Variants in PCDH19 observed in about 807,000 individuals in gnomAD.
The protein encoded by PCDH19 is protocadherin-19.
PCDH19 carries 6 observed loss-of-function variants against 46.2 expected under a neutral mutation model. The ratio of observed to expected loss-of-function variants is 0.13; its 90% CI spans 0.07 to 0.26. The LOEUF (loss-of-function observed/expected upper bound fraction) is 0.26, where lower values mean the gene tolerates loss of function less well. PCDH19 is among the 10% of genes least tolerant of loss of function. The pLI is 1.00. For missense variants in PCDH19, 740 were observed against 972.3 expected, an observed-to-expected ratio of 0.76 and a Z score of 3.18; for synonymous variants, 481 against 415.7, an observed-to-expected ratio of 1.16 and a Z score of -1.91.
At chrX:100,406,150 T>G (rs1928338604) in intron 1 of PCDH19, among the ~76,000 whole-genome samples, 1 of 111,810 alleles carries the variant, frequency 8.9e-6, no homozygotes, top group Non-Finnish European at 1.9e-5. Context: ...TCTCTCTCTG[T>G]TTTTCCTACC....
At chrX:100,400,967 T>G (rs1928162292) in intron 3 of PCDH19, among the ~76,000 whole-genome samples, 2 of 111,560 alleles carry the variant, frequency 1.8e-5, no homozygotes, top group African/African-American at 6.5e-5. Flanking sequence ...GTCCTCCCTC[T>G]CTTGATGACC....
At chrX:100,362,562 G>A (rs143612979) in intron 3 of PCDH19, among the ~76,000 whole-genome samples, 1,515 of 109,685 alleles carry the variant, frequency 0.014, 17 homozygotes, top group Non-Finnish European at 0.022. Context: ...GGGAGGCCGA[G>A]GTGAGCAGAT....
At chrX:100,368,432 C>G (rs900345722) in intron 3 of PCDH19, among the ~76,000 whole-genome samples, 5 of 111,740 alleles carry the variant, frequency 4.5e-5, no homozygotes, top group Non-Finnish European at 7.5e-5. Context: ...CATAAAACTT[C>G]CACACTTGGT....
chrX:100,370,188 A>G (rs1200289206), intron 3 of PCDH19, among the ~76,000 whole-genome samples: 2 of 112,372 alleles, frequency 1.8e-5, no homozygotes, highest in Non-Finnish European at 3.8e-5. Context: ...ATGTAGAGGG[A>G]AATTTGGGGA....
At chrX:100,406,421 C>T (rs753752095) in intron 1 of PCDH19, 30 bp downstream of exon 1, 2 of 1,089,916 alleles carry the variant, frequency 1.8e-6, no homozygotes, top group Non-Finnish European at 2.5e-6. Flanking sequence ...CCTTATTCAT[C>T]CAAGACAAAG....
intron 3 of PCDH19, among the ~76,000 whole-genome samples, chrX:100,361,782 T>A (rs1001784776): frequency 9.0e-6 from 1 of 111,090 alleles, no homozygotes; most frequent in Non-Finnish European, 1.9e-5. Flanking sequence ...GGTCCTGCGC[T>A]CACACCACTA....
chrX:100,394,845 T>C (rs1257958897), intron 3 of PCDH19, among the ~76,000 whole-genome samples: 2 of 110,497 alleles, frequency 1.8e-5, no homozygotes, highest in African/African-American at 6.6e-5. Context: ...GGCCCACCTT[T>C]CAAAGGTTTT....
In PCDH19 at chrX:100,407,668, G is replaced by T; in HGVS notation, c.930C>A (p.His310Gln). Residue 310 changes from histidine (H) to glutamine (Q), a missense_variant, in exon 1 of 6, where the codon CAC (histidine) becomes CAA (glutamine). Physicochemically the swap from His to Gln is conservative, Grantham distance 24. Transcript: ENST00000373034. ...VTGALDYEEG[H>Q]VYELDVQAKD... Reference sequence around the variant, plus strand: ...TAGCCTGCACGTCCAGTTCGTACACGTGCCCCTCTTCGTAGTCTAAAGCGC... The same window carrying T: ...TAGCCTGCACGTCCAGTTCGTACACTTGCCCCTCTTCGTAGTCTAAAGCGC... 8.2e-7 allele frequency: 1 copy of T among 1,212,249 alleles called. No homozygotes were observed. The highest frequency in any genetic ancestry group is 1.8e-5 in the South Asian group (1 of 57,028).
At chrX:100,333,249 G>C (rs868073994) in intron 5 of PCDH19, among the ~76,000 whole-genome samples, 2 of 105,181 alleles carry the variant, frequency 1.9e-5, no homozygotes, top group East Asian at 3.0e-4. Flanking sequence ...AAGAAAGAAA[G>C]GGAAAGTCCC....
intron 3 of PCDH19, among the ~76,000 whole-genome samples, chrX:100,360,457 C>T (rs1926848530): frequency 8.9e-6 from 1 of 112,173 alleles, no homozygotes; most frequent in South Asian, 3.7e-4. Flanking sequence ...TCTCTTTTGT[C>T]GCAGATATTG....
intron 5 of PCDH19, among the ~76,000 whole-genome samples, chrX:100,334,017 T>C (rs905314473): frequency 1.8e-5 from 2 of 110,819 alleles, no homozygotes; most frequent in Non-Finnish European, 3.8e-5. Context: ...CTTGAACTCC[T>C]GGCCTCAAAT....
intron 5 of PCDH19, among the ~76,000 whole-genome samples, chrX:100,319,921 G>A (rs1046784213): frequency 1.8e-5 from 2 of 112,055 alleles, no homozygotes; most frequent in Admixed American, 9.4e-5. Context: ...TAAGGGAGAA[G>A]GAAGATGAGA....
chrX:100,383,023 C>T (rs957684025), intron 3 of PCDH19, among the ~76,000 whole-genome samples: 2 of 112,793 alleles, frequency 1.8e-5, no homozygotes, highest in East Asian at 5.6e-4. Context: ...TCTTTAATTT[C>T]AAAATTCAAT....
chrX:100,350,624 A>G (rs750849440), intron 4 of PCDH19, 22 bp downstream of exon 4: 1 of 1,094,406 alleles, frequency 9.1e-7, no homozygotes, highest in Non-Finnish European at 1.3e-6. Flanking sequence ...AGTTGCAGCA[A>G]TAAGCAAGCA....
At chrX:100,379,219 C>A (rs1006024603) in intron 3 of PCDH19, among the ~76,000 whole-genome samples, 2 of 109,922 alleles carry the variant, frequency 1.8e-5, no homozygotes, top group East Asian at 5.7e-4. Flanking sequence ...AGAAGAGGAA[C>A]CCAGACTGTC....
chrX:100,400,389 G>C (rs1197969030), intron 3 of PCDH19, among the ~76,000 whole-genome samples: 2 of 111,885 alleles, frequency 1.8e-5, no homozygotes, highest in African/African-American at 6.5e-5. Flanking sequence ...ATATTCCTTG[G>C]AACAACTTTG....
At position 100,403,785 on chromosome X, in the gene PCDH19, A is replaced by G. The variant is rs1367357591; in HGVS notation, c.2148-121T>C. The stretch of plus-strand genomic sequence containing the variant: ...ATTTAATTAACACTGACACAGACCC[A>G]GCAACGTGCACCAAAGACACCAGGC... On this transcript the variant is annotated intron_variant, in intron 1 of 5. Coordinates refer to ENST00000373034, the MANE Select transcript of PCDH19 (RefSeq NM_001184880.2). 1.3e-5 allele frequency: 7 copies of G among 532,836 alleles called. No homozygotes were observed. In the East Asian group the frequency reaches 2.3e-4, roughly 18 times the overall value. The allele number at this position is 532,836 out of a possible 1,213,427, so 43.9% of individuals were successfully genotyped here.
chrX:100,385,868 T>C (rs1370982865), intron 3 of PCDH19, among the ~76,000 whole-genome samples: 1 of 111,130 alleles, frequency 9.0e-6, no homozygotes, highest in South Asian at 3.9e-4. Flanking sequence ...TACTCCAGCC[T>C]GGGTGACAGA....
intron 3 of PCDH19, among the ~76,000 whole-genome samples, chrX:100,371,847 TATAC>T (rs1167572488): frequency 9.0e-5 from 3 of 33,198 alleles, no homozygotes; most frequent in African/African-American, 3.3e-4. Flanking sequence ...GACAAATGAC[TATAC>T]ACACACACAC....
Sources: allele counts gnomAD v4.1 joint callset (sites outside exome capture counted in the v4.1 genomes callset), GRCh38; gene constraint gnomAD v4.1.1; transcripts MANE v1.5; gene names NCBI Gene and HGNC (gene_info 2026-07-23, HGNC 2026-07-21).